PDGFRL: variants seen among roughly 807,000 people sequenced by gnomAD.
The protein encoded by PDGFRL is platelet derived growth factor receptor like.
A neutral mutation model predicts 37.2 loss-of-function variants in PDGFRL; 46 were observed. The observed-to-expected ratio is 1.24, with a 90% CI of 0.98 to 1.58. The LOEUF (loss-of-function observed/expected upper bound fraction) is 1.58. Among genes scored for constraint, PDGFRL ranks in the 40% most tolerant of loss-of-function variants. The probability of loss-of-function intolerance (pLI) is 0.00; values close to 1 mark genes in which losing one functional copy is unlikely to be tolerated. For missense variants in PDGFRL, 692 were observed against 467.6 expected (o/e 1.48, Z -4.43); for synonymous variants, 251 against 184.3 (o/e 1.36, Z -2.93).
intron 1 of PDGFRL, among the ~76,000 whole-genome samples, chr8:17,579,556 G>GTTATTATTATT (rs1554548118): frequency 3.3e-5 from 4 of 119,542 alleles, no homozygotes; most frequent in Non-Finnish European, 5.2e-5. Flanking sequence ...TATTATTATT[G>GTTATTATTATT]TTATTATTAT....
At chr8:17,590,706 C>T (rs920232066) in intron 2 of PDGFRL, among the ~76,000 whole-genome samples, 4 of 151,244 alleles carry the variant, frequency 2.6e-5, no homozygotes, top group Non-Finnish European at 5.9e-5. Context: ...AGTGAAACTC[C>T]GTCTCAAAAA....
chr8:17,604,578 A>T (rs1281922896), intron 2 of PDGFRL, among the ~76,000 whole-genome samples: 1 of 151,630 alleles, frequency 6.6e-6, no homozygotes, highest in Non-Finnish European at 1.5e-5. Context: ...CATACCGGGG[A>T]CTGTTGTGGG....
At chr8:17,590,767 GT>G (rs1803919860) in intron 2 of PDGFRL, among the ~76,000 whole-genome samples, 1 of 151,912 alleles carries the variant, frequency 6.6e-6, no homozygotes, top group African/African-American at 2.4e-5. Flanking sequence ...GTTTTATGTT[GT>G]TTTTTTAAGT....
intron 3 of PDGFRL, among the ~76,000 whole-genome samples, chr8:17,623,205 C>A (rs1346086679): frequency 6.6e-6 from 1 of 152,192 alleles, no homozygotes; most frequent in Non-Finnish European, 1.5e-5. Flanking sequence ...ACCCAGGATC[C>A]AGTGTTTTTA....
chr8:17,602,783 G>A (rs1247514731), intron 2 of PDGFRL, among the ~76,000 whole-genome samples: 1 of 152,146 alleles, frequency 6.6e-6, no homozygotes. Context: ...AGGTCCACTA[G>A]ATGGCAGGTT....
chr8:17,621,083 C>T lies in PDGFRL; in HGVS notation c.386C>T (p.Thr129Ile), dbSNP rs1369222137. The T allele has an allele frequency of 1.2e-6, 2 of 1,610,440 alleles. No individual in the cohort carries two copies. The highest frequency in any genetic ancestry group is 1.7e-6 in the Non-Finnish European group (2 of 1,177,726). Residue 129 changes from threonine (T) to isoleucine (I), a missense_variant, in exon 3 of 6, where the codon ACT (threonine) becomes ATT (isoleucine). Physicochemically the swap from Thr to Ile is moderately conservative, Grantham distance 89. Coordinates refer to ENST00000251630, the MANE Select transcript of PDGFRL (RefSeq NM_001372073.1). Reference protein sequence around the residue: ...VKQNERYGQLTLVNSTSADTG... With the variant: ...VKQNERYGQLILVNSTSADTG... ...CAGAATGAGCGCTACGGCCAGTTGA[C>T]TCTGGTCAACTCCACCTCGGCAGAC...
rs183676625 is a variant in PDGFRL at position 17,618,293 on chromosome 8, C to T, written c.354-2758C>T. Among the ~76,000 whole-genome samples the T allele has an allele frequency of 4.4e-3, 663 of 152,220 alleles. 3 individuals carry two copies. The highest frequency in any genetic ancestry group is 7.4e-3 in the Non-Finnish European group (506 of 68,014). On this transcript the variant is annotated intron_variant, in intron 2 of 5. Coordinates refer to ENST00000251630, the MANE Select transcript of PDGFRL (RefSeq NM_001372073.1). ...CTGGTCATGAACTCCTGAGCTCAAGCGATCCTCCTGCCTCAGCCTCCCAAA... is the reference window on the plus strand; with the variant it reads ...CTGGTCATGAACTCCTGAGCTCAAGTGATCCTCCTGCCTCAGCCTCCCAAA...
At chr8:17,618,824 T>C (rs979472198) in intron 2 of PDGFRL, among the ~76,000 whole-genome samples, 3 of 152,084 alleles carry the variant, frequency 2.0e-5, no homozygotes, top group South Asian at 2.1e-4. Flanking sequence ...TACCATCTAG[T>C]GTAATGACAG....
At chr8:17,605,502 C>G (rs539325379) in intron 2 of PDGFRL, among the ~76,000 whole-genome samples, 9 of 152,284 alleles carry the variant, frequency 5.9e-5, no homozygotes, top group Admixed American at 6.5e-5. Flanking sequence ...TTTCTTGAAT[C>G]TCATCATAAC....
At chr8:17,641,896 T>TCC (rs144394170) in intron 5 of PDGFRL, among the ~76,000 whole-genome samples, 1 of 103,888 alleles carries the variant, frequency 9.6e-6, no homozygotes, top group Non-Finnish European at 1.8e-5. Flanking sequence ...TCAATAGAGG[T>TCC]CCCCGCCACA....
intron 1 of PDGFRL, among the ~76,000 whole-genome samples, chr8:17,587,100 G>T (rs1803834579): frequency 6.6e-6 from 1 of 152,112 alleles, no homozygotes; most frequent in Non-Finnish European, 1.5e-5. Context: ...ATACCGTCTG[G>T]GTATCTGTGG....
At chr8:17,614,411 A>G (rs1044821023) in intron 2 of PDGFRL, among the ~76,000 whole-genome samples, 5 of 152,080 alleles carry the variant, frequency 3.3e-5, no homozygotes, top group African/African-American at 1.2e-4. Flanking sequence ...ACACGTTCTG[A>G]GACGGAGACT....
intron 2 of PDGFRL, among the ~76,000 whole-genome samples, chr8:17,599,722 C>G (rs1288972085): frequency 6.6e-6 from 1 of 152,198 alleles, no homozygotes; most frequent in Non-Finnish European, 1.5e-5. Flanking sequence ...TCATCTTCAT[C>G]TCTCTGACTT....
intron 2 of PDGFRL, among the ~76,000 whole-genome samples, chr8:17,600,257 A>T (rs1421176715): frequency 1.3e-5 from 2 of 152,096 alleles, no homozygotes; most frequent in Non-Finnish European, 2.9e-5. Flanking sequence ...CACCAACTCC[A>T]TTTAGCTGAG....
chr8:17,585,089 T>G (rs1453354814), intron 1 of PDGFRL, among the ~76,000 whole-genome samples: 1 of 152,132 alleles, frequency 6.6e-6, no homozygotes, highest in Admixed American at 6.5e-5. Context: ...TTGTAAACAC[T>G]CATGGCGCTT....
At chr8:17,593,546 C>G (rs1352074428) in intron 2 of PDGFRL, among the ~76,000 whole-genome samples, 1 of 150,138 alleles carries the variant, frequency 6.7e-6, no homozygotes, top group African/African-American at 2.5e-5. Flanking sequence ...TGCAGTGAGC[C>G]GTGATCATAC....
At chr8:17,582,199 GGAAGGCCACACTTAAGAGT>G (rs1489973643) in intron 1 of PDGFRL, among the ~76,000 whole-genome samples, 1 of 152,152 alleles carries the variant, frequency 6.6e-6, no homozygotes, top group Non-Finnish European at 1.5e-5. Flanking sequence ...TAGGGATTTT[GGAAGGCCACACTTAAGAGT>G]GATGTCCTAG....
At chr8:17,606,389 C>T (rs1804277538) in intron 2 of PDGFRL, among the ~76,000 whole-genome samples, 2 of 152,064 alleles carry the variant, frequency 1.3e-5, no homozygotes, top group African/African-American at 2.4e-5. Flanking sequence ...TCTCACTTTG[C>T]CTTCATTCTT....
intron 1 of PDGFRL, among the ~76,000 whole-genome samples, chr8:17,581,087 C>G (rs962663461): frequency 6.6e-6 from 1 of 152,050 alleles, no homozygotes; most frequent in Non-Finnish European, 1.5e-5. Flanking sequence ...TTCACAGATA[C>G]CTGGGAGTTA....
Sources: allele counts gnomAD v4.1 joint callset (sites outside exome capture counted in the v4.1 genomes callset), GRCh38; gene constraint gnomAD v4.1.1; transcripts MANE v1.5; gene names NCBI Gene and HGNC (gene_info 2026-07-23, HGNC 2026-07-21).